ST7: variants seen among roughly 807,000 people sequenced by gnomAD.
ST7 encodes suppression of tumorigenicity 7.
In ST7, 28 loss-of-function variants were observed where a neutral mutation model predicts 78.7. That is an observed-to-expected ratio of 0.36 (90% confidence interval 0.26 to 0.49). ST7 has a LOEUF of 0.49. ST7 is among the 20% of genes least tolerant of loss of function. The pLI is 0.99. For missense variants in ST7, 418 were observed against 696.0 expected, an observed-to-expected ratio of 0.60 and a Z score of 4.49; for synonymous variants, 247 against 249.6, an observed-to-expected ratio of 0.99 and a Z score of 0.10.
chr7:117,101,504 C>T (rs1167751303), intron 2 of ST7, among the ~76,000 whole-genome samples: 2 of 152,294 alleles, frequency 1.3e-5, no homozygotes, highest in East Asian at 3.9e-4. Flanking sequence ...GTTTTCATCA[C>T]CTTGTCCAGT....
intron 9 of ST7, 113 bp downstream of exon 9, chr7:117,138,645 G>C: frequency 2.9e-6 from 2 of 697,428 alleles, no homozygotes; most frequent in Non-Finnish European, 4.9e-6. Context: ...TCTGGAGCCA[G>C]ACTGTGTGGG....
At chr7:117,067,289 C>G (rs1798690302) in intron 1 of ST7, among the ~76,000 whole-genome samples, 1 of 151,962 alleles carries the variant, frequency 6.6e-6, no homozygotes, top group African/African-American at 2.4e-5. Context: ...TGTGATAACT[C>G]TATCATTTAC....
At chr7:116,996,896 C>T (rs937334132) in intron 1 of ST7, among the ~76,000 whole-genome samples, 1 of 152,120 alleles carries the variant, frequency 6.6e-6, no homozygotes, top group African/African-American at 2.4e-5. Context: ...GATTCGATAG[C>T]CAGTAGGAGA....
At chr7:117,110,193 T>C (rs1412817003) in intron 2 of ST7, among the ~76,000 whole-genome samples, 1 of 152,190 alleles carries the variant, frequency 6.6e-6, no homozygotes, top group East Asian at 1.9e-4. Flanking sequence ...TATTTTAACA[T>C]TTTCATTCAA....
chr7:117,218,900 ATG>A, intron 13 of ST7, 182 bp from the exon 14 acceptor site: 1 of 567,380 alleles, frequency 1.8e-6, no homozygotes, highest in Middle Eastern at 4.7e-4. Context: ...TGTGAGATGA[ATG>A]TGTGAGTAAT....
chr7:117,132,558 T>A (rs920646928), intron 6 of ST7, among the ~76,000 whole-genome samples: 1 of 151,728 alleles, frequency 6.6e-6, no homozygotes, highest in Admixed American at 6.6e-5. Context: ...AAAGGTCACT[T>A]AGCTGAACCA....
At chr7:117,208,342 G>A (rs1791966274) in intron 12 of ST7, among the ~76,000 whole-genome samples, 1 of 152,106 alleles carries the variant, frequency 6.6e-6, no homozygotes, top group Non-Finnish European at 1.5e-5. Flanking sequence ...AGGTCTTTCT[G>A]TGGAGTATGG....
At chr7:116,988,744 T>C (rs1017812557) in intron 1 of ST7, among the ~76,000 whole-genome samples, 2 of 152,242 alleles carry the variant, frequency 1.3e-5, no homozygotes, top group Non-Finnish European at 2.9e-5. Flanking sequence ...ATACTTTAAA[T>C]AATCAACCAA....
intron 1 of ST7, chr7:116,956,740 C>CGAT (rs1562975424): frequency 2.3e-6 from 1 of 438,372 alleles, no homozygotes; most frequent in East Asian, 7.1e-5. Flanking sequence ...GAGCTTAACT[C>CGAT]GATTTTTTTT....
At chr7:117,203,022 C>T (rs562112616) in intron 12 of ST7, among the ~76,000 whole-genome samples, 42 of 152,256 alleles carry the variant, frequency 2.8e-4, no homozygotes, top group African/African-American at 9.9e-4. Flanking sequence ...GTTTCCCATC[C>T]CATGAATATT....
intron 9 of ST7, among the ~76,000 whole-genome samples, chr7:117,160,337 A>T (rs894904817): frequency 6.6e-6 from 1 of 152,032 alleles, no homozygotes. Flanking sequence ...TTATTTATGG[A>T]TAATGACTCC....
At chr7:117,175,406 A>G (rs1157493984) in intron 10 of ST7, among the ~76,000 whole-genome samples, 1 of 152,218 alleles carries the variant, frequency 6.6e-6, no homozygotes, top group Admixed American at 6.5e-5. Flanking sequence ...TTTCTTATTC[A>G]TTGTCATTTG....
intron 1 of ST7, 172 bp downstream of exon 1, chr7:116,953,863 C>A: frequency 4.5e-6 from 1 of 222,882 alleles, no homozygotes; most frequent in Non-Finnish European, 7.4e-6. Flanking sequence ...CGGGGCCGGG[C>A]AGCTGGGCGC....
intron 1 of ST7, chr7:117,020,737 T>C: frequency 6.8e-7 from 1 of 1,478,620 alleles, no homozygotes; most frequent in Non-Finnish European, 9.1e-7. Flanking sequence ...ACAACCTTTG[T>C]ATTTTGGCTC....
intron 1 of ST7, among the ~76,000 whole-genome samples, chr7:117,050,641 A>G (rs564467142): frequency 9.9e-5 from 15 of 152,282 alleles, no homozygotes; most frequent in Admixed American, 2.6e-4. Flanking sequence ...CTAACTTAAA[A>G]ATTCTGAGGC....
At chr7:117,033,887 T>C (rs1272883895) in intron 1 of ST7, among the ~76,000 whole-genome samples, 1 of 152,210 alleles carries the variant, frequency 6.6e-6, no homozygotes, top group East Asian at 1.9e-4. Flanking sequence ...CCCTGTAAAG[T>C]AGGCTTATAC....
intron 1 of ST7, among the ~76,000 whole-genome samples, chr7:116,989,490 G>A (rs541937710): frequency 5.9e-5 from 9 of 151,900 alleles, no homozygotes; most frequent in Admixed American, 1.3e-4. Context: ...TTATTCCAAG[G>A]ATATAACATC....
At chr7:117,141,047 C>G (rs553229125) in intron 9 of ST7, among the ~76,000 whole-genome samples, 1 of 152,272 alleles carries the variant, frequency 6.6e-6, no homozygotes, top group South Asian at 2.1e-4. Flanking sequence ...ACTGCGACTT[C>G]CCTGAGAGAT....
At chr7:116,961,819 A>G (rs1792847599) in intron 1 of ST7, among the ~76,000 whole-genome samples, 2 of 150,486 alleles carry the variant, frequency 1.3e-5, no homozygotes, top group African/African-American at 2.5e-5. Context: ...CAGAATGTGT[A>G]GGTTTGTTAT....
Sources: allele counts gnomAD v4.1 joint callset (sites outside exome capture counted in the v4.1 genomes callset), GRCh38; gene constraint gnomAD v4.1.1; transcripts MANE v1.5; gene names NCBI Gene and HGNC (gene_info 2026-07-23, HGNC 2026-07-21).